The following MYO3A variants were observed in gnomAD, a reference collection of about 807,000 sequenced individuals.
MYO3A encodes myosin-IIIa.
A neutral mutation model predicts 192.7 loss-of-function variants in MYO3A; 180 were observed. That is an observed-to-expected ratio of 0.93 (90% confidence interval 0.83 to 1.06). The LOEUF is 1.06. MYO3A is among the 50% of genes least tolerant of loss of function. The pLI, the probability that MYO3A is intolerant of heterozygous loss-of-function variation, is 0.00. For missense variants in MYO3A, 1,896 were observed against 1,905.0 expected (o/e 1.00, Z 0.09); for synonymous variants, 628 against 645.3 (o/e 0.97, Z 0.41).
At chr10:26,095,147 A>G (rs535517411) in intron 15 of MYO3A, among the ~76,000 whole-genome samples, 2 of 152,270 alleles carry the variant, frequency 1.3e-5, no homozygotes, top group African/African-American at 4.8e-5. Context: ...GAGTATCCAC[A>G]ACAATTTAGT....
In MYO3A at chr10:26,094,424, T is replaced by TC. The variant is rs1228700211; in HGVS notation, c.1563-1957_1563-1956insC. ...TACTGAAAGAATGAATAATTTCTTT[T>TC]TTTTTTTTTTTTTTTTTTGAGATGG... On this transcript the variant is annotated intron_variant, in intron 15 of 34. Coordinates refer to ENST00000642920, the MANE Select transcript of MYO3A (RefSeq NM_017433.5). Among the ~76,000 whole-genome samples, 378 of 142,920 alleles carry TC rather than the reference T, an allele frequency of 2.6e-3. 3 individuals carry two copies. Among genetic ancestry groups the TC allele is most frequent in the Non-Finnish European group, 4.7e-3 (304 of 65,234 alleles). 93.8% of individuals were successfully genotyped at this position (142,920 alleles called of 152,430 possible).
chr10:26,044,205 C>T (rs1175069462), intron 10 of MYO3A, among the ~76,000 whole-genome samples: 1 of 152,182 alleles, frequency 6.6e-6, no homozygotes, highest in African/African-American at 2.4e-5. Flanking sequence ...ACAAAGTCCT[C>T]TTTACTCTTA....
At position 26,071,283 on chromosome 10, in the gene MYO3A, A is replaced by T. The variant is rs537351063; in HGVS notation, c.1359+882A>T. ...GACAAAGTTGTAAAATTCATTAATTAAGAAAGGTGGTCTTTTCAACAAATA... is the reference window on the plus strand; with the variant it reads ...GACAAAGTTGTAAAATTCATTAATTTAGAAAGGTGGTCTTTTCAACAAATA... On this transcript the variant is annotated intron_variant, in intron 14 of 34. Transcript: ENST00000642920. 2.0e-5 allele frequency among the ~76,000 whole-genome samples: 3 copies of T among 152,310 alleles called. No homozygotes were observed. The East Asian group carries it at 5.8e-4, about 29-fold the overall frequency.
intron 34 of MYO3A, among the ~76,000 whole-genome samples, chr10:26,205,227 T>C (rs1250128185): frequency 6.6e-6 from 1 of 152,218 alleles, no homozygotes; most frequent in Non-Finnish European, 1.5e-5. Context: ...AATTAACATA[T>C]GAATTACCTC....
At position 26,143,546 on chromosome 10, in the gene MYO3A, T is replaced by C. The variant is rs1362880921; in HGVS notation, c.2361T>C (p.Leu787=). ...DMFLQKPMGL[L]SLLDEESRFP... The stretch of plus-strand genomic sequence containing the variant: ...TTCTGCAAAAGCCAATGGGTTTACT[T>C]TCCCTACTTGATGAAGAAAGTAGAT... The change falls in exon 21 of 35, where the codon CTT becomes CTC. Residue 787 remains leucine (L), a synonymous_variant. Coordinates refer to ENST00000642920, the MANE Select transcript of MYO3A (RefSeq NM_017433.5). The C allele has an allele frequency of 6.2e-7, 1 of 1,613,962 alleles. No individual in the cohort carries two copies. The highest frequency in any genetic ancestry group is 1.3e-5 in the African/African-American group (1 of 74,940).
Position 26,147,358 on chromosome 10 carries a change from G to T in MYO3A, c.2506-72G>T, listed in dbSNP as rs2368158. 0.43 allele frequency: 613,948 copies of T among 1,433,386 alleles called. 132,803 individuals are homozygous for T. The highest frequency in any genetic ancestry group is 0.49 in the Middle Eastern group (2,816 of 5,698). 88.8% of individuals were successfully genotyped at this position (1,433,386 alleles called of 1,614,324 possible). ...CTCATAATGAGTATCTGTTGTTGAT[G>T]ATGATGATGGTGAGGAGGAGGAGGA... On this transcript the variant is annotated intron_variant, in intron 22 of 34. Transcript: ENST00000642920.
At chr10:26,098,799 G>T (rs1837236110) in intron 17 of MYO3A, among the ~76,000 whole-genome samples, 1 of 152,194 alleles carries the variant, frequency 6.6e-6, no homozygotes, top group Non-Finnish European at 1.5e-5. Context: ...GTACCATACT[G>T]TTTTGGTTAC....
At chr10:26,131,480 T>C (rs558490041) in intron 20 of MYO3A, among the ~76,000 whole-genome samples, 1 of 152,340 alleles carries the variant, frequency 6.6e-6, no homozygotes, top group African/African-American at 2.4e-5. Flanking sequence ...CAGGAATCTC[T>C]ATTATCCACT....
At chr10:26,192,947 A>G (rs896248889) in intron 31 of MYO3A, among the ~76,000 whole-genome samples, 1 of 151,942 alleles carries the variant, frequency 6.6e-6, no homozygotes, top group African/African-American at 2.4e-5. Context: ...GAACCACTGC[A>G]CCCGGCTGCA....
chr10:26,100,872 G>C (rs1464647860), intron 17 of MYO3A, among the ~76,000 whole-genome samples: 1 of 152,196 alleles, frequency 6.6e-6, no homozygotes, highest in Admixed American at 6.5e-5. Context: ...TGTATATTCT[G>C]TTGATTTGGG....
At chr10:25,960,323 A>C (rs1193782609) in intron 4 of MYO3A, among the ~76,000 whole-genome samples, 1 of 152,134 alleles carries the variant, frequency 6.6e-6, no homozygotes, top group Non-Finnish European at 1.5e-5. Context: ...TTATTTTACA[A>C]AATTAAATAG....
At chr10:26,108,252 C>T (rs539786887) in intron 17 of MYO3A, among the ~76,000 whole-genome samples, 24 of 152,278 alleles carry the variant, frequency 1.6e-4, no homozygotes, top group Admixed American at 4.6e-4. Flanking sequence ...TTTAGATGAA[C>T]TCTTTCCGCA....
At chr10:26,116,894 CT>C (rs1210065984) in intron 17 of MYO3A, among the ~76,000 whole-genome samples, 1 of 152,174 alleles carries the variant, frequency 6.6e-6, no homozygotes, top group Non-Finnish European at 1.5e-5. Flanking sequence ...GCCAAATGTC[CT>C]GTGAGGGCAG....
chr10:26,145,550 A>C lies in MYO3A; in HGVS notation c.2505+16A>C. 1 of 1,535,676 alleles carries C rather than the reference A, an allele frequency of 6.5e-7. No homozygotes were observed. Among genetic ancestry groups the C allele is most frequent in the Non-Finnish European group, 9.0e-7 (1 of 1,108,608 alleles). On this transcript the variant is annotated intron_variant, in intron 22 of 34. Coordinates refer to ENST00000642920, the MANE Select transcript of MYO3A (RefSeq NM_017433.5). ...TGCAGGAAAGGTAAGAACTCTAAAGAATTATGACTGAGTTTCTCCTTAGCC... is the reference window on the plus strand; with the variant it reads ...TGCAGGAAAGGTAAGAACTCTAAAGCATTATGACTGAGTTTCTCCTTAGCC...
chr10:25,949,153 A>G (rs1366282256), intron 2 of MYO3A, among the ~76,000 whole-genome samples: 3 of 152,084 alleles, frequency 2.0e-5, no homozygotes, highest in African/African-American at 7.2e-5. Flanking sequence ...ATAATATGTT[A>G]TAGTTACATG....
chr10:26,013,604 AGT>A (rs1449708445), intron 6 of MYO3A, among the ~76,000 whole-genome samples: 4 of 152,152 alleles, frequency 2.6e-5, no homozygotes, highest in Non-Finnish European at 5.9e-5. Context: ...ATTACTAAAA[AGT>A]GTGAATACAA....
intron 3 of MYO3A, among the ~76,000 whole-genome samples, chr10:25,954,281 AAT>A (rs2130574452): frequency 6.6e-6 from 1 of 152,198 alleles, no homozygotes; most frequent in East Asian, 1.9e-4. Flanking sequence ...ATTTTCTAGA[AAT>A]ATGTCTAAGT....
At position 25,934,236 on chromosome 10, in the gene MYO3A, C is replaced by A. The variant is rs1221222701; in HGVS notation, c.-197C>A. On this transcript the variant is annotated 5_prime_UTR_variant, in exon 1 of 35. Coordinates refer to ENST00000642920, the MANE Select transcript of MYO3A (RefSeq NM_017433.5). ...GCCCTCTACAGGCGGCCCAGTTCTT[C>A]CCCTGCTCGGCTGCCCCTGCCCGCC... 6.6e-6 allele frequency: 1 copy of A among 152,444 alleles called. No homozygotes were observed. The highest frequency in any genetic ancestry group is 2.4e-5 in the African/African-American group (1 of 41,476). The allele number at this position is 152,444 out of a possible 1,614,324, so 9.4% of individuals were successfully genotyped here.
chr10:26,159,346 T>G (rs1051808921), intron 26 of MYO3A, among the ~76,000 whole-genome samples: 6 of 145,580 alleles, frequency 4.1e-5, no homozygotes, highest in Non-Finnish European at 9.0e-5. Context: ...GATTTAGTTT[T>G]TCTTTTTTTT....
Sources: allele counts gnomAD v4.1 joint callset (sites outside exome capture counted in the v4.1 genomes callset), GRCh38; gene constraint gnomAD v4.1.1; transcripts MANE v1.5; gene names NCBI Gene and HGNC (gene_info 2026-07-23, HGNC 2026-07-21).